The following PRELID2 variants were observed in gnomAD, a reference collection of about 807,000 sequenced individuals.
The protein encoded by PRELID2 is PRELI domain containing 2.
Under a neutral mutation model 28.4 loss-of-function variants are expected in PRELID2, and 25 were observed. The observed-to-expected ratio is 0.88, with a 90% CI of 0.64 to 1.23. PRELID2 has a LOEUF of 1.23. Ranked by LOEUF, PRELID2 falls within the 50% of genes most tolerant of loss-of-function variation. The pLI, the probability that PRELID2 is intolerant of heterozygous loss-of-function variation, is 0.00. For missense variants in PRELID2, 201 were observed against 214.4 expected (o/e 0.94, Z 0.39); for synonymous variants, 76 against 71.6 (o/e 1.06, Z -0.31).
At chr5:145,276,929 G>A in the PRELID2 span, among the ~76,000 whole-genome samples, 3 of 152,144 alleles carry the variant, frequency 2.0e-5, no homozygotes, top group Non-Finnish European at 4.4e-5. Context: ...GTTGATGGAT[G>A]TTAAATAACT....
chr5:145,387,737 A>T, the PRELID2 span, among the ~76,000 whole-genome samples: 1 of 152,038 alleles, frequency 6.6e-6, no homozygotes, highest in Admixed American at 6.6e-5. Flanking sequence ...TTTCAGACCC[A>T]CCTGAGCAAC....
chr5:145,677,880 G>A (rs553844597), intron 1 of PRELID2, among the ~76,000 whole-genome samples: 9 of 152,258 alleles, frequency 5.9e-5, no homozygotes, highest in East Asian at 1.9e-4. Context: ...TTGGGAGGCC[G>A]CGGTGGGTGG....
the PRELID2 span, among the ~76,000 whole-genome samples, chr5:145,354,679 AGCT>A: frequency 1.3e-5 from 2 of 152,192 alleles, no homozygotes. Flanking sequence ...CACATACATG[AGCT>A]AATATAACAA....
chr5:145,518,282 C>T (rs1186776306), intron 1 of PRELID2, among the ~76,000 whole-genome samples: 1 of 152,070 alleles, frequency 6.6e-6, no homozygotes, highest in Non-Finnish European at 1.5e-5. Flanking sequence ...TCACTGCAAC[C>T]TCTGCCTCCC....
At chr5:145,799,042 A>ATATATATAT (rs1752957457) in intron 4 of PRELID2, among the ~76,000 whole-genome samples, 1 of 150,382 alleles carries the variant, frequency 6.6e-6, no homozygotes, top group African/African-American at 2.4e-5. Flanking sequence ...ATATATATAT[A>ATATATATAT]AAAGACTCAC....
chr5:145,650,255 G>A (rs1231114747), intron 1 of PRELID2, among the ~76,000 whole-genome samples: 1 of 151,956 alleles, frequency 6.6e-6, no homozygotes, highest in Non-Finnish European at 1.5e-5. Flanking sequence ...CTCAGTCCCT[G>A]AGCTACTACT....
chr5:145,382,489 C>T, the PRELID2 span, among the ~76,000 whole-genome samples: 1 of 151,786 alleles, frequency 6.6e-6, no homozygotes, highest in African/African-American at 2.4e-5. Context: ...GAGAATAATA[C>T]ATTATATACA....
chr5:145,455,693 T>C, the PRELID2 span, among the ~76,000 whole-genome samples: 1 of 152,202 alleles, frequency 6.6e-6, no homozygotes, highest in Non-Finnish European at 1.5e-5. Flanking sequence ...GGTATTTTAT[T>C]CTGTTTGTAG....
chr5:145,751,661 G>A (rs376442117), downstream of PRELID2, among the ~76,000 whole-genome samples: 7 of 152,250 alleles, frequency 4.6e-5, no homozygotes, highest in African/African-American at 1.4e-4. Flanking sequence ...TTTCCACAAA[G>A]CTTTGAGAAA....
chr5:145,444,366 C>T, the PRELID2 span, among the ~76,000 whole-genome samples: 2 of 151,960 alleles, frequency 1.3e-5, no homozygotes, highest in Non-Finnish European at 1.5e-5. Context: ...GAAGAGAATT[C>T]CCCATGGCCA....
At chr5:145,337,165 A>G in the PRELID2 span, among the ~76,000 whole-genome samples, 1 of 152,034 alleles carries the variant, frequency 6.6e-6, no homozygotes, top group African/African-American at 2.4e-5. Flanking sequence ...AAACTAAAAA[A>G]GAATAAAAAC....
At chr5:145,802,973 C>A (rs946042629) in intron 4 of PRELID2, among the ~76,000 whole-genome samples, 1 of 152,046 alleles carries the variant, frequency 6.6e-6, no homozygotes, top group Admixed American at 6.6e-5. Flanking sequence ...GAGATCCTGT[C>A]CTTGAATTAT....
At chr5:145,740,233 G>C (rs1202312366) in intron 1 of PRELID2, among the ~76,000 whole-genome samples, 1 of 128,668 alleles carries the variant, frequency 7.8e-6, no homozygotes, top group African/African-American at 2.9e-5. Flanking sequence ...ACTAGGGATA[G>C]AGTCATTATA....
Position 145,606,964 on chromosome 5 carries a change from A to G in PRELID2, n.71-133649T>C, listed in dbSNP as rs138053231. On this transcript the variant is annotated intron_variant and non_coding_transcript_variant, in intron 1 of 2. Transcript: ENST00000510259. The stretch of plus-strand genomic sequence containing the variant: ...AGGGATTCAGTTTCTTCCTGGATCA[A>G]TCTTGGGAGGTCATATGATTCCAGG... Among the ~76,000 whole-genome samples, 901 of 152,210 alleles carry G rather than the reference A, an allele frequency of 5.9e-3. 12 individuals are homozygous for G. The highest frequency in any genetic ancestry group is 0.02 in the African/African-American group (835 of 41,550).
At chr5:145,381,050 T>C in the PRELID2 span, among the ~76,000 whole-genome samples, 1 of 152,192 alleles carries the variant, frequency 6.6e-6, no homozygotes, top group Non-Finnish European at 1.5e-5. Context: ...GTATTTTGCA[T>C]AGAATTCACC....
chr5:145,816,076 C>CTTTTTTTTTTTTTTTT (rs1191298938), intron 4 of PRELID2, among the ~76,000 whole-genome samples: 5 of 89,048 alleles, frequency 5.6e-5, no homozygotes, highest in Non-Finnish European at 6.7e-5. Flanking sequence ...TATTGTGTGT[C>CTTTTTTTTTTTTTTTT]TTTTTTTTTT....
intron 1 of PRELID2, among the ~76,000 whole-genome samples, chr5:145,654,378 A>G (rs1326209256): frequency 6.6e-6 from 1 of 152,156 alleles, no homozygotes; most frequent in Non-Finnish European, 1.5e-5. Flanking sequence ...AAAACAGGGA[A>G]TCCTCCCTAA....
In PRELID2 at chr5:145,503,655, CTGTGCATTGAATCA is replaced by C. The variant is rs1752379980; in HGVS notation, n.71-30354_71-30341del. Among the ~76,000 whole-genome samples the C allele has an allele frequency of 3.3e-5, 5 of 152,242 alleles. No homozygotes were observed. In the South Asian group the frequency reaches 1.0e-3, roughly 32 times the overall value. Reference sequence around the variant, plus strand: ...GTGTGACCCCAGGAGTTTGCTGGTCCTGTGCATTGAATCATCATATTAATTGTTTCCATGATCAA... The same window carrying C: ...GTGTGACCCCAGGAGTTTGCTGGTCCTCATATTAATTGTTTCCATGATCAA... On this transcript the variant is annotated intron_variant and non_coding_transcript_variant, in intron 1 of 2. Transcript: ENST00000510259.
chr5:145,389,048 C>G, the PRELID2 span, among the ~76,000 whole-genome samples: 1 of 152,148 alleles, frequency 6.6e-6, no homozygotes, highest in East Asian at 1.9e-4. Context: ...ATAATAGATG[C>G]TTGATAAATA....
Sources: gnomAD v4.1 joint callset for allele counts (sites outside exome capture counted in the v4.1 genomes callset) on GRCh38, gnomAD v4.1.1 for gene constraint, MANE v1.5 for transcripts, NCBI Gene and HGNC (gene_info 2026-07-23, HGNC 2026-07-21) for gene names.